The following CA10 variants were observed in gnomAD, a reference collection of about 807,000 sequenced individuals.
The protein encoded by CA10 is carbonic anhydrase 10 (inactive).
A neutral mutation model predicts 44.2 loss-of-function variants in CA10; 14 were observed. The observed-to-expected ratio is 0.32, with a 90% CI of 0.21 to 0.50. CA10 has a LOEUF of 0.50. Ranked by LOEUF, CA10 falls within the 20% of genes least tolerant of loss-of-function variation. The pLI, the probability that CA10 is intolerant of heterozygous loss-of-function variation, is 0.99. For missense variants in CA10, 350 were observed against 409.7 expected (o/e 0.85, Z 1.26); for synonymous variants, 159 against 141.6 (o/e 1.12, Z -0.87).
intron 3 of CA10, among the ~76,000 whole-genome samples, chr17:51,798,908 T>C (rs181738638): frequency 1.3e-5 from 2 of 152,326 alleles, no homozygotes; most frequent in African/African-American, 4.8e-5. Flanking sequence ...CAAACATTTT[T>C]AATGGCTCCA....
At chr17:51,820,487 CT>C (rs1166905094) in intron 3 of CA10, among the ~76,000 whole-genome samples, 1 of 129,500 alleles carries the variant, frequency 7.7e-6, no homozygotes, top group Non-Finnish European at 1.6e-5. Flanking sequence ...ATCAGATAGT[CT>C]TTTTATTGAG....
chr17:51,974,395 A>C (rs1014248554), intron 2 of CA10, among the ~76,000 whole-genome samples: 5 of 90,202 alleles, frequency 5.5e-5, no homozygotes, highest in South Asian at 3.5e-4. Context: ...TTAAAAAAAA[A>C]AAACAAAAAC....
At chr17:52,110,984 T>G (rs147150361) in intron 1 of CA10, among the ~76,000 whole-genome samples, 13 of 152,338 alleles carry the variant, frequency 8.5e-5, no homozygotes, top group African/African-American at 2.4e-4. Context: ...TATGTCCAAA[T>G]ATGAGCTTTT....
intron 3 of CA10, among the ~76,000 whole-genome samples, chr17:51,843,941 T>C (rs1247720805): frequency 2.6e-5 from 4 of 152,200 alleles, no homozygotes; most frequent in African/African-American, 7.2e-5. Flanking sequence ...CAGTCTCGAC[T>C]TACCACTGGA....
chr17:52,011,951 G>A (rs1054066942), intron 2 of CA10, among the ~76,000 whole-genome samples: 7 of 152,008 alleles, frequency 4.6e-5, no homozygotes, highest in Non-Finnish European at 2.9e-5. Flanking sequence ...AGAAAAAATG[G>A]CAGAATAGTC....
intron 3 of CA10, among the ~76,000 whole-genome samples, chr17:51,883,088 A>T (rs1474734032): frequency 6.6e-6 from 1 of 152,226 alleles, no homozygotes; most frequent in Non-Finnish European, 1.5e-5. Flanking sequence ...AAGTAATGGG[A>T]GTGAAACTAA....
At chr17:51,946,719 C>T (rs1197075411) in intron 2 of CA10, among the ~76,000 whole-genome samples, 1 of 152,192 alleles carries the variant, frequency 6.6e-6, no homozygotes, top group Non-Finnish European at 1.5e-5. Context: ...ATACTTTCTT[C>T]TTCCTCTAAA....
intron 3 of CA10, among the ~76,000 whole-genome samples, chr17:51,814,663 A>G (rs1907498204): frequency 3.3e-5 from 5 of 152,190 alleles, no homozygotes; most frequent in Admixed American, 3.3e-4. Flanking sequence ...CCTTAGTATA[A>G]TCAAGACTAA....
chr17:52,157,934 AC>A lies in CA10; in HGVS notation c.-149del, dbSNP rs1989844691. ...ACCCGACAGCCGGCCAGGGACAGTCACCCCCAAGATCAATATCGCAGTTTGA... is the reference window on the plus strand; with the variant it reads ...ACCCGACAGCCGGCCAGGGACAGTCACCCCAAGATCAATATCGCAGTTTGA... On this transcript the variant is annotated 5_prime_UTR_variant, in exon 1 of 9. Transcript: ENST00000451037. 2 of 710,956 alleles carry A rather than the reference AC, an allele frequency of 2.8e-6. No homozygotes were observed. The highest frequency in any genetic ancestry group is 2.0e-5 in the Admixed American group (1 of 49,354). The allele number at this position is 710,956 out of a possible 1,614,324, so 44.0% of individuals were successfully genotyped here. A position where few individuals can be genotyped will look rare whatever the true frequency, so the allele number is the denominator to read the frequency against.
intron 4 of CA10, among the ~76,000 whole-genome samples, chr17:51,735,328 T>C (rs544337621): frequency 6.6e-6 from 1 of 152,150 alleles, no homozygotes; most frequent in African/African-American, 2.4e-5. Context: ...CACTCATAAG[T>C]GGGAGCTAAA....
At chr17:51,789,150 G>A (rs1050976384) in intron 3 of CA10, among the ~76,000 whole-genome samples, 1 of 152,028 alleles carries the variant, frequency 6.6e-6, no homozygotes, top group African/African-American at 2.4e-5. Flanking sequence ...GAGTAGCTGG[G>A]AACTACAAGC....
chr17:51,748,266 C>T (rs891253944), intron 3 of CA10, among the ~76,000 whole-genome samples: 1 of 152,126 alleles, frequency 6.6e-6, no homozygotes, highest in African/African-American at 2.4e-5. Context: ...AGCAGACGCT[C>T]ATGGGAGATG....
At chr17:52,138,377 A>T (rs1989404847) in intron 1 of CA10, among the ~76,000 whole-genome samples, 1 of 152,220 alleles carries the variant, frequency 6.6e-6, no homozygotes, top group Non-Finnish European at 1.5e-5. Context: ...CATGTAAAAT[A>T]AACATATTCA....
At chr17:51,995,114 G>C (rs1985186304) in intron 2 of CA10, among the ~76,000 whole-genome samples, 1 of 151,958 alleles carries the variant, frequency 6.6e-6, no homozygotes. Context: ...TAAGAAGAAA[G>C]AGAATAAAAC....
chr17:51,644,152 A>G (rs9892523), intron 6 of CA10, among the ~76,000 whole-genome samples: 105,176 of 151,514 alleles, frequency 0.69, 36,842 homozygotes, highest in South Asian at 0.8. Flanking sequence ...GCTCAAAAGA[A>G]TGATTTTGCA....
chr17:52,077,777 A>G (rs1987855867), intron 1 of CA10, among the ~76,000 whole-genome samples: 1 of 152,190 alleles, frequency 6.6e-6, no homozygotes, highest in Admixed American at 6.5e-5. Flanking sequence ...ACCAGCATCT[A>G]CATAAAATTG....
At chr17:52,068,860 A>G (rs965840453) in intron 2 of CA10, among the ~76,000 whole-genome samples, 1 of 152,198 alleles carries the variant, frequency 6.6e-6, no homozygotes, top group African/African-American at 2.4e-5. Flanking sequence ...ATATTAATGT[A>G]TTACTCTGGG....
chr17:51,854,721 C>T (rs531461430), intron 3 of CA10, among the ~76,000 whole-genome samples: 5 of 152,036 alleles, frequency 3.3e-5, no homozygotes, highest in Non-Finnish European at 5.9e-5. Flanking sequence ...CTTCTGGCCA[C>T]GTGGCTTATG....
intron 3 of CA10, among the ~76,000 whole-genome samples, chr17:51,861,979 A>G (rs1482615899): frequency 1.3e-5 from 2 of 152,184 alleles, no homozygotes; most frequent in East Asian, 1.9e-4. Flanking sequence ...GACTTCTCAT[A>G]TGGTCCACTA....
Sources: allele counts gnomAD v4.1 joint callset (sites outside exome capture counted in the v4.1 genomes callset), GRCh38; gene constraint gnomAD v4.1.1; transcripts MANE v1.5; gene names NCBI Gene and HGNC (gene_info 2026-07-23, HGNC 2026-07-21).